Variants in NPEPPS observed in about 807,000 individuals in gnomAD.
NPEPPS encodes puromycin-sensitive aminopeptidase.
Under a neutral mutation model 115.5 loss-of-function variants are expected in NPEPPS, and 14 were observed. That is an observed-to-expected ratio of 0.12 (90% CI 0.08 to 0.19). The LOEUF is 0.19. Among genes scored for constraint, NPEPPS ranks in the 10% least tolerant of loss-of-function variants. NPEPPS has a pLI of 1.00. For missense variants in NPEPPS, 523 were observed against 1,110.8 expected (o/e 0.47, Z 7.52); for synonymous variants, 285 against 390.6 (o/e 0.73, Z 3.19).
chr17:47,556,056 C>T (rs1300975154), intron 2 of NPEPPS, among the ~76,000 whole-genome samples: 6 of 143,428 alleles, frequency 4.2e-5, no homozygotes, highest in Non-Finnish European at 6.1e-5. Flanking sequence ...CTCTGCCTCC[C>T]GGGTTCAAGC....
chr17:47,613,144 C>T (rs1010851523), intron 18 of NPEPPS, among the ~76,000 whole-genome samples: 1 of 152,082 alleles, frequency 6.6e-6, no homozygotes, highest in Non-Finnish European at 1.5e-5. Flanking sequence ...GTGCACATTC[C>T]CCTGAAAGCT....
rs1912378530 is a variant in NPEPPS at position 47,589,486 on chromosome 17, A to G, written c.1096-1231A>G. On this transcript the variant is annotated intron_variant, in intron 9 of 22. Transcript: ENST00000322157. The stretch of plus-strand genomic sequence containing the variant: ...CACTATGTTGCCCAGGCTTATCTCA[A>G]ACTCCTGGGCTCAAGTGATCTTCCT... Among the ~76,000 whole-genome samples, 5 of 152,066 alleles carry G rather than the reference A, an allele frequency of 3.3e-5. No homozygotes were observed. The South Asian group carries it at 1.0e-3, about 32-fold the overall frequency.
At chr17:47,552,721 C>T (rs1373164471) in intron 2 of NPEPPS, among the ~76,000 whole-genome samples, 1 of 152,090 alleles carries the variant, frequency 6.6e-6, no homozygotes. Flanking sequence ...ATAGAGGGAA[C>T]GTTTTATCTT....
chr17:47,619,415 G>T (rs957747272), intron 21 of NPEPPS: 1 of 516,584 alleles, frequency 1.9e-6, no homozygotes, highest in Non-Finnish European at 3.5e-6. Context: ...TTAGCTGAGC[G>T]TGGTGGTGTG....
intron 2 of NPEPPS, among the ~76,000 whole-genome samples, chr17:47,560,230 T>G (rs1168256795): frequency 6.6e-6 from 1 of 151,962 alleles, no homozygotes; most frequent in East Asian, 1.9e-4. Context: ...AAAAAAAAGA[T>G]AAACTGAGAC....
At position 47,605,479 on chromosome 17, in the gene NPEPPS, A is replaced by G. The variant is rs371362770; in HGVS notation, c.2022A>G (p.Glu674=). The part of the protein sequence containing the change: ...TLLSHTDFYE[E]IQEFVKDVFS... ...TGTCCCACACAGACTTCTATGAGGA[A>G]ATCCAGGAGTTTGTGAAAGATGTCT... Residue 674 remains glutamate (E), a synonymous_variant, in exon 17 of 23, where the codon GAA becomes GAG. Coordinates refer to ENST00000322157, the MANE Select transcript of NPEPPS (RefSeq NM_006310.4). 6.2e-7 allele frequency: 1 copy of G among 1,607,214 alleles called. No homozygotes were observed. The highest frequency in any genetic ancestry group is 1.7e-5 in the Admixed American group (1 of 58,924).
intron 2 of NPEPPS, among the ~76,000 whole-genome samples, chr17:47,556,503 A>G (rs1457679214): frequency 6.6e-6 from 1 of 152,032 alleles, no homozygotes; most frequent in Non-Finnish European, 1.5e-5. Context: ...CACAGCAACA[A>G]TCTGATTTCT....
chr17:47,606,192 G>A (rs1913504186), intron 17 of NPEPPS, among the ~76,000 whole-genome samples: 2 of 152,168 alleles, frequency 1.3e-5, no homozygotes, highest in South Asian at 2.1e-4. Flanking sequence ...AACTTGTAAA[G>A]GTGCTGAGAG....
chr17:47,538,504 G>A (rs189896276), intron 1 of NPEPPS, among the ~76,000 whole-genome samples: 50 of 148,462 alleles, frequency 3.4e-4, no homozygotes, highest in African/African-American at 1.2e-3. Context: ...ATGAACCACC[G>A]CGCCTAGTCC....
At chr17:47,614,455 C>G (rs1028273191) in intron 19 of NPEPPS, among the ~76,000 whole-genome samples, 6 of 152,218 alleles carry the variant, frequency 3.9e-5, no homozygotes, top group African/African-American at 1.2e-4. Flanking sequence ...GATCAAGTGT[C>G]TCAAGCATTT....
intron 1 of NPEPPS, among the ~76,000 whole-genome samples, chr17:47,537,530 A>G (rs1328323020): frequency 1.3e-5 from 2 of 152,014 alleles, no homozygotes; most frequent in Non-Finnish European, 2.9e-5. Context: ...CGTCTCTACA[A>G]AAAAATACAA....
At chr17:47,588,503 G>A (rs930614375) in intron 9 of NPEPPS, among the ~76,000 whole-genome samples, 3 of 151,820 alleles carry the variant, frequency 2.0e-5, no homozygotes, top group Admixed American at 1.3e-4. Context: ...GGCAGAGGTT[G>A]CAGTGAGCCG....
intron 17 of NPEPPS, among the ~76,000 whole-genome samples, chr17:47,608,652 G>A (rs1913661895): frequency 1.3e-5 from 2 of 152,138 alleles, no homozygotes; most frequent in Admixed American, 6.6e-5. Context: ...GTGACTGAGT[G>A]TAAGTAGAAG....
intron 17 of NPEPPS, among the ~76,000 whole-genome samples, chr17:47,612,089 G>A (rs1913906642): frequency 6.6e-6 from 1 of 152,076 alleles, no homozygotes; most frequent in African/African-American, 2.4e-5. Flanking sequence ...TATACAAAGA[G>A]CATACTAGTT....
chr17:47,598,986 T>TA (rs1036198680), intron 13 of NPEPPS, among the ~76,000 whole-genome samples: 6 of 152,110 alleles, frequency 3.9e-5, no homozygotes, highest in African/African-American at 1.2e-4. Context: ...ACCCTGTCTC[T>TA]AAAAAAACTA....
At chr17:47,542,605 C>T (rs1908847606) in intron 1 of NPEPPS, among the ~76,000 whole-genome samples, 1 of 151,610 alleles carries the variant, frequency 6.6e-6, no homozygotes, top group Non-Finnish European at 1.5e-5. Context: ...CTGCCAGTCA[C>T]CATAGTGATA....
intron 2 of NPEPPS, among the ~76,000 whole-genome samples, chr17:47,563,610 G>T (rs1438030160): frequency 6.6e-6 from 1 of 151,254 alleles, no homozygotes; most frequent in Non-Finnish European, 1.5e-5. Flanking sequence ...TTGCTCTGTT[G>T]CCCAGGCTGG....
chr17:47,546,137 G>A, intron 2 of NPEPPS, 144 bp downstream of exon 2: 4 of 1,449,928 alleles, frequency 2.8e-6, no homozygotes, highest in South Asian at 1.4e-5. Flanking sequence ...TTAGAAATGG[G>A]TAAATTCAGC....
At chr17:47,575,658 G>T (rs903556832) in intron 3 of NPEPPS, among the ~76,000 whole-genome samples, 3 of 150,970 alleles carry the variant, frequency 2.0e-5, no homozygotes, top group African/African-American at 7.3e-5. Context: ...AGGCTGGAGT[G>T]CAGTGGCGCG....
Sources: allele counts gnomAD v4.1 joint callset (sites outside exome capture counted in the v4.1 genomes callset), GRCh38; gene constraint gnomAD v4.1.1; transcripts MANE v1.5; gene names NCBI Gene and HGNC (gene_info 2026-07-23, HGNC 2026-07-21).